The following KCNN2 variants were observed in gnomAD, a reference collection of about 807,000 sequenced individuals.
KCNN2 encodes the protein potassium calcium-activated channel subfamily N member 2.
In KCNN2, 24 loss-of-function variants were observed where a neutral mutation model predicts 55.5. The observed-to-expected ratio is 0.43, with a 90% CI of 0.31 to 0.61. The LOEUF (loss-of-function observed/expected upper bound fraction) is 0.61, where lower values mean the gene tolerates loss of function less well. Ranked by LOEUF, KCNN2 falls within the 20% of genes least tolerant of loss-of-function variation. The pLI, the probability that KCNN2 is intolerant of heterozygous loss-of-function variation, is 0.08. For synonymous variants in KCNN2, 431 were observed against 336.1 expected, an observed-to-expected ratio of 1.28 and a Z score of -3.09; for missense variants, 754 against 853.6, an observed-to-expected ratio of 0.88 and a Z score of 1.45.
At chr5:114,337,178 G>A (rs138714379) in intron 2 of KCNN2, among the ~76,000 whole-genome samples, 2 of 152,312 alleles carry the variant, frequency 1.3e-5, no homozygotes, top group East Asian at 3.9e-4. Context: ...TTTGTAGACA[G>A]TGTTGATAGG....
intron 1 of KCNN2, among the ~76,000 whole-genome samples, chr5:114,191,019 A>G (rs2112562825): frequency 6.6e-6 from 1 of 152,306 alleles, no homozygotes; most frequent in East Asian, 1.9e-4. Context: ...GTGAGATTAC[A>G]GAATGGAGTA....
At chr5:114,140,042 T>C in intron 1 of KCNN2, among the ~76,000 whole-genome samples, 1 of 152,158 alleles carries the variant, frequency 6.6e-6, no homozygotes, top group Non-Finnish European at 1.5e-5. Context: ...GTTTTTGTTT[T>C]ACAAGTCAAT....
At chr5:114,280,475 G>T (rs1020446245) in intron 2 of KCNN2, among the ~76,000 whole-genome samples, 1 of 152,086 alleles carries the variant, frequency 6.6e-6, no homozygotes, top group Non-Finnish European at 1.5e-5. Context: ...ATTAATTTTT[G>T]TATAAGGTGT....
intron 1 of KCNN2, among the ~76,000 whole-genome samples, chr5:114,061,416 T>C (rs1750327280): frequency 6.6e-6 from 1 of 152,210 alleles, no homozygotes; most frequent in East Asian, 1.9e-4. Flanking sequence ...TTCACAACTT[T>C]ATGAGATAGG....
intron 1 of KCNN2, among the ~76,000 whole-genome samples, chr5:114,062,032 A>G (rs1342392894): frequency 1.3e-5 from 2 of 152,060 alleles, no homozygotes; most frequent in South Asian, 2.1e-4. Context: ...ATATTTAGAC[A>G]TCTTCTCATA....
At chr5:114,157,433 C>G (rs1049061460) in intron 1 of KCNN2, among the ~76,000 whole-genome samples, 34 of 152,152 alleles carry the variant, frequency 2.2e-4, no homozygotes, top group Non-Finnish European at 3.7e-4. Flanking sequence ...GGTTCCAAGT[C>G]TTTGCTATTG....
chr5:114,086,432 G>A (rs1751017311), intron 1 of KCNN2, among the ~76,000 whole-genome samples: 1 of 151,250 alleles, frequency 6.6e-6, no homozygotes, highest in African/African-American at 2.4e-5. Flanking sequence ...TGTCTCACAC[G>A]TTTCCTTGCC....
intron 1 of KCNN2, among the ~76,000 whole-genome samples, chr5:114,067,098 G>A (rs968455627): frequency 1.3e-5 from 2 of 152,166 alleles, no homozygotes; most frequent in African/African-American, 4.8e-5. Flanking sequence ...CATAAGAAAT[G>A]TGCTAAATGA....
At chr5:114,133,879 G>A (rs535500422) in intron 1 of KCNN2, among the ~76,000 whole-genome samples, 1 of 152,290 alleles carries the variant, frequency 6.6e-6, no homozygotes, top group East Asian at 1.9e-4. Flanking sequence ...TCTGATTTCT[G>A]TATCATAAGA....
chr5:114,472,912 C>T (rs574270193), intron 4 of KCNN2, 142 bp from the exon 5 acceptor site: 1 of 490,634 alleles, frequency 2.0e-6, no homozygotes, highest in African/African-American at 1.9e-5. Context: ...ATGTGTTGAT[C>T]ACACATTTTC....
chr5:114,057,180 G>A (rs983323951), intron 1 of KCNN2: 1 of 152,118 alleles, frequency 6.6e-6, no homozygotes, highest in East Asian at 1.9e-4. Context: ...AGGTTGGTTT[G>A]GTGCCTTTAT....
chr5:114,447,410 A>G (rs1189139785), intron 3 of KCNN2, among the ~76,000 whole-genome samples: 3 of 152,204 alleles, frequency 2.0e-5, no homozygotes, highest in South Asian at 2.1e-4. Flanking sequence ...ATAGAAGGAA[A>G]TGTCTCTGGG....
intron 2 of KCNN2, among the ~76,000 whole-genome samples, chr5:114,290,670 A>G (rs1394448276): frequency 1.1e-4 from 16 of 151,956 alleles, no homozygotes; most frequent in Admixed American, 1.1e-3. Flanking sequence ...GGTAAGTTAG[A>G]TTATTGATTT....
chr5:114,395,911 AT>A (rs1758600222), intron 2 of KCNN2, among the ~76,000 whole-genome samples: 1 of 151,810 alleles, frequency 6.6e-6, no homozygotes, highest in South Asian at 2.1e-4. Flanking sequence ...ACTTTGTCTA[AT>A]TTTTCCTTTG....
At chr5:114,288,388 A>G (rs1755800614) in intron 2 of KCNN2, among the ~76,000 whole-genome samples, 2 of 151,996 alleles carry the variant, frequency 1.3e-5, no homozygotes, top group Non-Finnish European at 2.9e-5. Flanking sequence ...TCTGTGTTAA[A>G]CTTTTTGGGA....
At chr5:114,434,103 T>G (rs542984678) in intron 3 of KCNN2, among the ~76,000 whole-genome samples, 1 of 152,320 alleles carries the variant, frequency 6.6e-6, no homozygotes, top group African/African-American at 2.4e-5. Context: ...CTGCCCTTCT[T>G]CTGATTTCTG....
At chr5:114,380,376 C>G (rs1758080982) in intron 2 of KCNN2, among the ~76,000 whole-genome samples, 1 of 152,210 alleles carries the variant, frequency 6.6e-6, no homozygotes, top group Non-Finnish European at 1.5e-5. Flanking sequence ...AATGCCCTGG[C>G]TCTCTCTCAT....
At chr5:114,317,487 T>TC (rs1176682591) in intron 2 of KCNN2, among the ~76,000 whole-genome samples, 1 of 152,218 alleles carries the variant, frequency 6.6e-6, no homozygotes, top group Non-Finnish European at 1.5e-5. Context: ...GCAAAAATCA[T>TC]CCATTCTTTC....
intron 2 of KCNN2, among the ~76,000 whole-genome samples, chr5:114,300,696 T>C (rs1756136525): frequency 6.6e-6 from 1 of 152,244 alleles, no homozygotes. Context: ...GATGAGCTGC[T>C]CCTTTAGCAA....
Sources: gnomAD v4.1 joint callset for allele counts (sites outside exome capture counted in the v4.1 genomes callset) on GRCh38, gnomAD v4.1.1 for gene constraint, MANE v1.5 for transcripts, NCBI Gene and HGNC (gene_info 2026-07-23, HGNC 2026-07-21) for gene names.